The following NEURL1 variants were observed in gnomAD, a reference collection of about 807,000 sequenced individuals.
NEURL1 encodes neuralized E3 ubiquitin protein ligase 1.
In NEURL1, 26 loss-of-function variants were observed where a neutral mutation model predicts 41.2. The ratio of observed to expected loss-of-function variants is 0.63; its 90% CI spans 0.46 to 0.87. The LOEUF is 0.87. Among genes scored for constraint, NEURL1 ranks in the 40% least tolerant of loss-of-function variants. The pLI is 0.00. For missense variants in NEURL1, 761 were observed against 871.1 expected, an observed-to-expected ratio of 0.87 and a Z score of 1.59; for synonymous variants, 400 against 402.3, an observed-to-expected ratio of 0.99 and a Z score of 0.07.
At chr10:103,548,127 G>A (rs2034960178) in intron 1 of NEURL1, among the ~76,000 whole-genome samples, 1 of 152,116 alleles carries the variant, frequency 6.6e-6, no homozygotes, top group Non-Finnish European at 1.5e-5. Context: ...GCACTAACCA[G>A]GTGATAAGGG....
At chr10:103,510,096 C>A (rs1322194615) in intron 1 of NEURL1, among the ~76,000 whole-genome samples, 1 of 152,120 alleles carries the variant, frequency 6.6e-6, no homozygotes, top group South Asian at 2.1e-4. Flanking sequence ...CTGGGGCCAT[C>A]AGCAGATGAA....
Position 103,590,431 on chromosome 10 carries a change from T to G in NEURL1, c.*59T>G. Reference sequence around the variant, plus strand: ...TCTCGGGCTTCAGCCCAGTCCCAGCTGAGGAACAAGCCAGTGGGGCCCCTT... The same window carrying G: ...TCTCGGGCTTCAGCCCAGTCCCAGCGGAGGAACAAGCCAGTGGGGCCCCTT... On this transcript the variant is annotated 3_prime_UTR_variant, in exon 6 of 6. Transcript: ENST00000369780. 6.8e-7 allele frequency: 1 copy of G among 1,477,326 alleles called. No individual in the cohort carries two copies. Among genetic ancestry groups the G allele is most frequent in the Non-Finnish European group, 9.4e-7 (1 of 1,061,160 alleles). The allele number at this position is 1,477,326 out of a possible 1,614,324, so 91.5% of individuals were successfully genotyped here.
Position 103,504,789 on chromosome 10 carries a change from A to C in NEURL1, c.85+10317A>C, listed in dbSNP as rs1320221341. On this transcript the variant is annotated intron_variant, in intron 1 of 5. Transcript: ENST00000369780. ...TACTTCTTTAATTTCTTACCCAAAC[A>C]ATTATCTCTGGGTAAAGGCTTTGAA... Among the ~76,000 whole-genome samples, 4 of 152,100 alleles carry C rather than the reference A, an allele frequency of 2.6e-5. No homozygotes were observed. The East Asian group carries it at 7.7e-4, about 29-fold the overall frequency.
chr10:103,548,158 A>C (rs2034960733), intron 1 of NEURL1, among the ~76,000 whole-genome samples: 1 of 152,216 alleles, frequency 6.6e-6, no homozygotes, highest in East Asian at 1.9e-4. Context: ...CTACTTCCTT[A>C]GAAGAACTGA....
chr10:103,584,809 T>C lies in NEURL1; in HGVS notation c.923T>C (p.Leu308Pro). The stretch of plus-strand genomic sequence containing the variant: ...CGCGCCGGCGCGCACGTCCGCATCC[T>C]CGACGAGCAGACGGTGGCGCGCGTG... ...ALRAGAHVRI[L>P]DEQTVARVEH... Residue 308 changes from leucine to proline, a missense_variant, in exon 4 of 6, where the codon CTC (leucine) becomes CCC (proline). Physicochemically the swap from Leu to Pro is moderately conservative, Grantham distance 98. Coordinates refer to ENST00000369780, the MANE Select transcript of NEURL1 (RefSeq NM_004210.5). 1 of 1,427,134 alleles carries C rather than the reference T, an allele frequency of 7.0e-7. No homozygotes were observed. Among genetic ancestry groups the C allele is most frequent in the Non-Finnish European group, 9.1e-7 (1 of 1,097,360 alleles). The allele number at this position is 1,427,134 out of a possible 1,614,324, so 88.4% of individuals were successfully genotyped here.
chr10:103,570,828 T>A, intron 1 of NEURL1, 44 bp from the exon 2 acceptor site: 1 of 1,586,422 alleles, frequency 6.3e-7, no homozygotes, highest in Non-Finnish European at 8.6e-7. Context: ...GTCTGGCTCT[T>A]GGACCCGCCA....
chr10:103,571,903 C>A, intron 3 of NEURL1, 81 bp downstream of exon 3: 1 of 1,367,402 alleles, frequency 7.3e-7, no homozygotes, highest in Non-Finnish European at 9.9e-7. Context: ...CTGTTCAATC[C>A]CATCAGGCGT....
intron 1 of NEURL1, chr10:103,550,752 C>T (rs2035016737): frequency 6.6e-6 from 1 of 152,270 alleles, no homozygotes; most frequent in African/African-American, 2.4e-5. Context: ...TTGCCCTTTC[C>T]TGGATGGAGC....
chr10:103,520,306 G>A (rs1398705665), intron 1 of NEURL1, among the ~76,000 whole-genome samples: 1 of 151,862 alleles, frequency 6.6e-6, no homozygotes, highest in African/African-American at 2.4e-5. Context: ...TCTGAAAAGA[G>A]AGTCAGTGAA....
intron 4 of NEURL1, among the ~76,000 whole-genome samples, chr10:103,585,782 A>G (rs1263402042): frequency 1.3e-5 from 2 of 150,608 alleles, no homozygotes; most frequent in African/African-American, 2.5e-5. Flanking sequence ...GCAGTGAGCC[A>G]AGATCGTGCC....
chr10:103,533,612 C>T (rs899616324), intron 1 of NEURL1, among the ~76,000 whole-genome samples: 2 of 152,100 alleles, frequency 1.3e-5, no homozygotes, highest in Admixed American at 6.5e-5. Context: ...TCTTGGCTCA[C>T]TGCAAGCTCT....
At chr10:103,577,674 G>A (rs2035694417) in intron 3 of NEURL1, 1 of 152,226 alleles carries the variant, frequency 6.6e-6, no homozygotes, top group Non-Finnish European at 1.5e-5. Context: ...AAGAGCTCAA[G>A]GCATCAAGGA....
At chr10:103,543,321 G>A (rs1321701957) in intron 1 of NEURL1, among the ~76,000 whole-genome samples, 3 of 152,214 alleles carry the variant, frequency 2.0e-5, no homozygotes, top group African/African-American at 7.2e-5. Flanking sequence ...GCACAGGCTA[G>A]TGCTGCCAAT....
intron 3 of NEURL1, among the ~76,000 whole-genome samples, chr10:103,581,467 T>C (rs2035782251): frequency 6.6e-6 from 1 of 152,200 alleles, no homozygotes; most frequent in Admixed American, 6.5e-5. Flanking sequence ...AATCAGTAGA[T>C]GCTGATTTCA....
intron 1 of NEURL1, among the ~76,000 whole-genome samples, chr10:103,512,608 G>A (rs2034098281): frequency 6.6e-6 from 1 of 152,138 alleles, no homozygotes; most frequent in Admixed American, 6.5e-5. Context: ...ACCAGCCTGG[G>A]TGACATGGAG....
intron 1 of NEURL1, among the ~76,000 whole-genome samples, chr10:103,536,293 C>T (rs181983499): frequency 1.2e-3 from 186 of 152,302 alleles, no homozygotes; most frequent in African/African-American, 4.3e-3. Context: ...CCTTTAATCC[C>T]AGCGCTTTGG....
chr10:103,520,326 G>A (rs963959630), intron 1 of NEURL1, among the ~76,000 whole-genome samples: 1 of 151,652 alleles, frequency 6.6e-6, no homozygotes, highest in Non-Finnish European at 1.5e-5. Flanking sequence ...AGGGAGATAC[G>A]GGTGGGGCCA....
intron 1 of NEURL1, among the ~76,000 whole-genome samples, chr10:103,542,554 C>T (rs891119700): frequency 1.3e-5 from 2 of 152,220 alleles, no homozygotes; most frequent in East Asian, 1.9e-4. Context: ...TGAGCCACCA[C>T]ACTTGGCTCT....
At chr10:103,571,416 C>T in intron 2 of NEURL1, 85 bp from the exon 3 acceptor site, 1 of 1,363,958 alleles carries the variant, frequency 7.3e-7, no homozygotes, top group Non-Finnish European at 9.9e-7. Flanking sequence ...GTGGGATGCT[C>T]CAGGGAGTCC....
Sources: gnomAD v4.1 joint callset for allele counts (sites outside exome capture counted in the v4.1 genomes callset) on GRCh38, gnomAD v4.1.1 for gene constraint, MANE v1.5 for transcripts, NCBI Gene and HGNC (gene_info 2026-07-23, HGNC 2026-07-21) for gene names.